LZTFL1: variants seen among roughly 807,000 people sequenced by gnomAD.
LZTFL1 encodes leucine zipper transcription factor like 1, also known as leucine zipper transcription factor-like protein 1.
A neutral mutation model predicts 45.9 loss-of-function variants in LZTFL1; 25 were observed. The observed-to-expected ratio is 0.54, with a 90% CI of 0.40 to 0.76. The LOEUF (loss-of-function observed/expected upper bound fraction) is 0.76. LZTFL1 is among the 30% of genes least tolerant of loss of function. The pLI is 0.00. For synonymous variants in LZTFL1, 93 were observed against 117.4 expected (o/e 0.79, Z 1.35); for missense variants, 277 against 331.1 (o/e 0.84, Z 1.27).
chr3:45,869,509 T>G (rs1353020406), intron 2 of LZTFL1, among the ~76,000 whole-genome samples: 2 of 152,156 alleles, frequency 1.3e-5, no homozygotes, highest in Non-Finnish European at 2.9e-5. Flanking sequence ...AGTTCTGCCC[T>G]CCCTAGCCTG....
intron 2 of LZTFL1, among the ~76,000 whole-genome samples, chr3:45,898,665 A>T (rs1702447426): frequency 6.6e-6 from 1 of 152,218 alleles, no homozygotes; most frequent in Admixed American, 6.5e-5. Context: ...TCCTCCTGCT[A>T]CTTCCTGCCA....
rs973648309 is a variant in LZTFL1, at chr3:45,906,587, C to T, written c.-215+6533G>A. 9.2e-5 allele frequency among the ~76,000 whole-genome samples: 14 copies of T among 152,316 alleles called. No individual in the cohort carries two copies. The East Asian group carries it at 2.7e-3, about 29-fold the overall frequency. On this transcript the variant is annotated intron_variant, in intron 2 of 4. Coordinates refer to the LZTFL1 transcript ENST00000472635. ...CATGCAAATGCTAAATGGTAACATG[C>T]CACAGCCAAGGCCCTGCTGACTCCC... is the stretch of plus-strand genomic sequence containing the variant.
chr3:45,863,051 A>G (rs1701517445), intron 2 of LZTFL1, among the ~76,000 whole-genome samples: 1 of 152,254 alleles, frequency 6.6e-6, no homozygotes, highest in Non-Finnish European at 1.5e-5. Context: ...ATAATTCAAT[A>G]AAAACACATG....
chr3:45,829,673 G>C (rs1700766901), intron 7 of LZTFL1, among the ~76,000 whole-genome samples: 1 of 136,000 alleles, frequency 7.4e-6, no homozygotes, highest in Admixed American at 7.3e-5. Flanking sequence ...CCTCATTTTT[G>C]AAATCTGGTC....
chr3:45,829,608 GAAAAA>G (rs1206418827), intron 7 of LZTFL1, among the ~76,000 whole-genome samples: 2 of 58,932 alleles, frequency 3.4e-5, no homozygotes, highest in Admixed American at 2.4e-4. Flanking sequence ...TGTCTCAAAA[GAAAAA>G]AAAAAAAAAA....
rs761852593 is a variant in LZTFL1, at chr3:45,828,468, C to A, written c.748G>T (p.Val250Phe). The A allele has an allele frequency of 6.2e-7, 1 of 1,614,198 alleles. No individual in the cohort carries two copies. The highest frequency in any genetic ancestry group is 2.2e-5 in the East Asian group (1 of 44,886). The change falls in exon 8 of 10, where the codon GTT becomes TTT. Residue 250 changes from valine (V) to phenylalanine (F), a missense_variant. Val to Phe is a conservative substitution (Grantham distance 50, BLOSUM62 -1). Transcript: ENST00000296135. ...LATAKHDLLR[V>F]QEQLHMAEKE... ...TCAGCCATGTGCAGCTGCTCCTGAA[C>A]CCTGAGTAGATCGTGCTTGGCTGTC...
chr3:45,904,516 G>T (rs1188894315), intron 2 of LZTFL1, among the ~76,000 whole-genome samples: 2 of 152,198 alleles, frequency 1.3e-5, no homozygotes, highest in African/African-American at 2.4e-5. Flanking sequence ...GAGCTGAGTG[G>T]CTATAACTTC....
upstream of LZTFL1, chr3:45,915,689 C>T: frequency 2.9e-6 from 1 of 340,104 alleles, no homozygotes; most frequent in Non-Finnish European, 6.0e-6. Flanking sequence ...GCTGTCAACT[C>T]TTAGATAACC....
intron 7 of LZTFL1, among the ~76,000 whole-genome samples, chr3:45,828,924 T>C (rs1700741484): frequency 6.6e-6 from 1 of 152,154 alleles, no homozygotes; most frequent in African/African-American, 2.4e-5. Flanking sequence ...AGGGTTGAGA[T>C]GGCAAACAGG....
intron 3 of LZTFL1, 142 bp from the exon 4 acceptor site, chr3:45,834,440 T>A (rs1299756688): frequency 1.3e-5 from 7 of 538,932 alleles, no homozygotes; most frequent in Non-Finnish European, 2.3e-5. Flanking sequence ...ATATCAAAAA[T>A]GTTAGTTGCA....
chr3:45,900,726 G>A lies in LZTFL1; in HGVS notation c.-215+12394C>T. The stretch of plus-strand genomic sequence containing the variant: ...TATCATAGGTGTTTGGGGTTGGAAG[G>A]GTCAAGAGGTCCATGCCTCTGCCAT... On this transcript the variant is annotated intron_variant, in intron 2 of 4. Coordinates refer to the LZTFL1 transcript ENST00000472635. This position sits in a 1 kb window ranked among gnomAD's most constrained non-coding sequence, Gnocchi z 4.7. 1 of 1,410,796 alleles carries A rather than the reference G, an allele frequency of 7.1e-7. No individual in the cohort carries two copies. The allele number at this position is 1,410,796 out of a possible 1,614,324, so 87.4% of individuals were successfully genotyped here.
intron 2 of LZTFL1, among the ~76,000 whole-genome samples, chr3:45,878,293 G>T (rs1439627494): frequency 6.6e-6 from 1 of 152,204 alleles, no homozygotes; most frequent in African/African-American, 2.4e-5. Flanking sequence ...CCTTGCAGGG[G>T]CCTGACCTTT....
chr3:45,886,099 G>T (rs548104765), intron 2 of LZTFL1, among the ~76,000 whole-genome samples: 2 of 152,166 alleles, frequency 1.3e-5, no homozygotes, highest in South Asian at 2.1e-4. Context: ...CAGCCCTCCG[G>T]GTTCTGGTAC....
In LZTFL1 at chr3:45,848,092, T is replaced by C. The variant is rs551555359; in HGVS notation, c.-49+6894A>G. Among the ~76,000 whole-genome samples the C allele has an allele frequency of 1.1e-4, 17 of 152,322 alleles. No homozygotes were observed. The South Asian group carries it at 3.3e-3, about 30-fold the overall frequency. ...TAGATCCTTCATCTTCCTTTTTCTT[T>C]AAGTTTTCATATATGACTTCACTTT... On this transcript the variant is annotated intron_variant, in intron 4 of 4. Transcript: ENST00000472635.
intron 2 of LZTFL1, among the ~76,000 whole-genome samples, chr3:45,872,463 G>C (rs554260135): frequency 6.6e-6 from 1 of 152,302 alleles, no homozygotes; most frequent in East Asian, 1.9e-4. Context: ...TCACTGAGGA[G>C]ATGCTAATTT....
intron 2 of LZTFL1, among the ~76,000 whole-genome samples, chr3:45,911,580 T>G (rs1271226524): frequency 2.0e-5 from 3 of 152,232 alleles, no homozygotes; most frequent in Admixed American, 2.0e-4. Flanking sequence ...GTTCCAGTGG[T>G]CAGTTTGCAC....
rs977058561 is a variant in LZTFL1, at chr3:45,825,215, T to C, written c.*1099A>G. 1.7e-4 allele frequency: 44 copies of C among 254,800 alleles called. No individual in the cohort carries two copies. Among genetic ancestry groups the C allele is most frequent in the South Asian group, 1.7e-4 (1 of 5,758 alleles). 15.8% of individuals were successfully genotyped at this position (254,800 alleles called of 1,614,324 possible). ...ATTTAGGGTGTGATACTCTCACTTT[T>C]AGAAGCAGGAAAAATTACTAAATAT... On this transcript the variant is annotated 3_prime_UTR_variant, in exon 10 of 10. Transcript: ENST00000296135.
chr3:45,840,826 G>A (rs902372826), intron 1 of LZTFL1, among the ~76,000 whole-genome samples: 17 of 152,152 alleles, frequency 1.1e-4, no homozygotes, highest in Non-Finnish European at 2.2e-4. Context: ...GTACAAGGAG[G>A]AAACTGTAAT....
rs79607997 is a variant in LZTFL1 at position 45,877,049 on chromosome 3, A to C, written c.-214-18033T>G. Among the ~76,000 whole-genome samples the C allele has an allele frequency of 4.5e-3, 679 of 152,244 alleles. 8 individuals carry two copies. Among genetic ancestry groups the C allele is most frequent in the African/African-American group, 0.016 (644 of 41,534 alleles). On this transcript the variant is annotated intron_variant, in intron 2 of 4. Transcript: ENST00000472635. ...ACATAGGGCAAGGGAAGGCTTCCTC[A>C]ATGCATATCAGAGGAAGAGAAAAGT...
Sources: allele counts gnomAD v4.1 joint callset (sites outside exome capture counted in the v4.1 genomes callset), GRCh38; gene constraint gnomAD v4.1.1; non-coding constraint Gnocchi (gnomAD v3.1); transcripts MANE v1.5; gene names NCBI Gene and HGNC (gene_info 2026-07-23, HGNC 2026-07-21).